Variants in TUT4 observed in about 807,000 individuals in gnomAD.
TUT4 encodes terminal uridylyl transferase 4.
A neutral mutation model predicts 192.2 loss-of-function variants in TUT4; 36 were observed. The observed-to-expected ratio is 0.19, with a 90% confidence interval of 0.14 to 0.25. The LOEUF is 0.25. TUT4 is among the 10% of genes least tolerant of loss of function. The pLI is 1.00. For synonymous variants in TUT4, 618 were observed against 666.0 expected (o/e 0.93, Z 1.11); for missense variants, 1,493 against 1,957.2 (o/e 0.76, Z 4.47).
chr1:52,429,552 G>C lies in TUT4; in HGVS notation c.4711+1461C>G, dbSNP rs1446011776. ...AACCTGGACAACACTTTGAGACTTT[G>C]TCTAAATATATATATATATATACTT... On this transcript the variant is annotated intron_variant, in intron 28 of 29. Coordinates refer to ENST00000257177, the MANE Select transcript of TUT4 (RefSeq NM_001009881.3). Among the ~76,000 whole-genome samples the C allele has an allele frequency of 3.9e-5, 5 of 128,248 alleles. No homozygotes were observed. In the East Asian group the frequency reaches 1.0e-3, roughly 27 times the overall value. The allele number at this position is 128,248 out of a possible 152,430, so 84.1% of individuals were successfully genotyped here.
chr1:52,448,686 T>C (rs778678930), intron 20 of TUT4, among the ~76,000 whole-genome samples: 1 of 151,794 alleles, frequency 6.6e-6, no homozygotes, highest in Admixed American at 6.6e-5. Flanking sequence ...AGTGAAGATA[T>C]TAAGGGGCTG....
At chr1:52,510,902 T>G (rs1406261787) in intron 3 of TUT4, among the ~76,000 whole-genome samples, 2 of 152,178 alleles carry the variant, frequency 1.3e-5, no homozygotes, top group African/African-American at 4.8e-5. Flanking sequence ...GATTACACAA[T>G]AAAAAATTAC....
At chr1:52,524,320 G>A (rs1681109852) in intron 2 of TUT4, among the ~76,000 whole-genome samples, 1 of 152,164 alleles carries the variant, frequency 6.6e-6, no homozygotes, top group African/African-American at 2.4e-5. Context: ...CGGATCACGA[G>A]GTCAGGAGAT....
chr1:52,542,112 G>T (rs548289343), intron 1 of TUT4, among the ~76,000 whole-genome samples: 1 of 152,266 alleles, frequency 6.6e-6, no homozygotes, highest in South Asian at 2.1e-4. Flanking sequence ...TATTATATGA[G>T]TCTACTGATA....
chr1:52,463,630 A>G, intron 16 of TUT4: 1 of 1,301,168 alleles, frequency 7.7e-7, no homozygotes, highest in Admixed American at 2.3e-5. Context: ...AACATAAATA[A>G]CAATAGCTAG....
At chr1:52,518,594 T>C (rs1315119536) in intron 2 of TUT4, among the ~76,000 whole-genome samples, 2 of 152,086 alleles carry the variant, frequency 1.3e-5, no homozygotes, top group Admixed American at 1.3e-4. Context: ...ACATATGAAT[T>C]TGGGAGGGGA....
At chr1:52,429,961 T>C (rs1036441445) in intron 28 of TUT4, among the ~76,000 whole-genome samples, 5 of 152,146 alleles carry the variant, frequency 3.3e-5, no homozygotes, top group African/African-American at 1.2e-4. Context: ...TGTGTGTCTA[T>C]GTATTTTAAA....
chr1:52,435,986 C>A (rs1557644273), intron 26 of TUT4, among the ~76,000 whole-genome samples: 1 of 152,094 alleles, frequency 6.6e-6, no homozygotes, highest in South Asian at 2.1e-4. Flanking sequence ...GAAATCACTA[C>A]TTCTAAAATG....
chr1:52,534,085 T>A (rs1187128206), intron 1 of TUT4, among the ~76,000 whole-genome samples: 2 of 152,264 alleles, frequency 1.3e-5, no homozygotes, highest in Admixed American at 6.5e-5. Flanking sequence ...TCCACTCCCC[T>A]CATTCATTCC....
intron 16 of TUT4, chr1:52,463,425 G>T (rs1663167356): frequency 2.9e-6 from 3 of 1,019,970 alleles, no homozygotes; most frequent in Non-Finnish European, 3.5e-6. Context: ...AACTTCTTAT[G>T]GCCAGAAGTT....
chr1:52,472,100 T>C lies in TUT4; in HGVS notation c.2730A>G (p.Pro910=), dbSNP rs182909160. ...TGCAGATGCTGCATACTATCGTTGG[T>C]GGCTACACAAAGATAAAAAGAAATC... is the stretch of plus-strand genomic sequence containing the variant. ...FDKFILTSGK[P]PTIVCSICKK... Residue 910 remains proline, a splice_region_variant and synonymous_variant, in exon 14 of 30, where the codon CCA becomes CCG. Coordinates refer to ENST00000257177, the MANE Select transcript of TUT4 (RefSeq NM_001009881.3). The C allele has an allele frequency of 3.9e-5, 63 of 1,612,836 alleles. No individual in the cohort carries two copies. The African/African-American group carries it at 7.1e-4, about 18-fold the overall frequency.
rs1475064621 is a variant in TUT4, at chr1:52,509,665, T to G, written c.930A>C (p.Leu310Phe). 1 of 1,612,626 alleles carries G rather than the reference T, an allele frequency of 6.2e-7. No homozygotes were observed. The highest frequency in any genetic ancestry group is 2.2e-5 in the East Asian group (1 of 44,732). ...TNCRYLCKLC[L>F]IHIENIQGAH... Reference sequence around the variant, plus strand: ...CCCCCTGGATATTTTCAATGTGAATTAAGCAAAGTTTGCATAGATACCGAC... The same window carrying G: ...CCCCCTGGATATTTTCAATGTGAATGAAGCAAAGTTTGCATAGATACCGAC... Residue 310 changes from leucine (L) to phenylalanine (F), a missense_variant, in exon 4 of 30, where the codon TTA (leucine) becomes TTC (phenylalanine). Physicochemically the swap from Leu to Phe is conservative, Grantham distance 22. Around this residue, in one of 7 missense-constraint regions of TUT4, gnomAD observed 437 missense variants for 577.6 expected, o/e 0.76. Transcript: ENST00000257177.
chr1:52,474,464 A>G (rs938170198), intron 13 of TUT4, among the ~76,000 whole-genome samples: 3 of 152,024 alleles, frequency 2.0e-5, no homozygotes, highest in Non-Finnish European at 4.4e-5. Flanking sequence ...TTGGGGGGGG[A>G]AGAAAAATTT....
rs1338568940 is a variant in TUT4 at position 52,425,330 on chromosome 1, A to C, written c.4870+19T>G. 1 of 1,609,146 alleles carries C rather than the reference A, an allele frequency of 6.2e-7. No homozygotes were observed. ...TAAAACCCACCCAAGCCTGTTAACT[A>C]ATTTGTAAGCAGTGGTACCTTGAGT... On this transcript the variant is annotated intron_variant, in intron 29 of 29. Coordinates refer to ENST00000257177, the MANE Select transcript of TUT4 (RefSeq NM_001009881.3).
At position 52,516,052 on chromosome 1, in the gene TUT4, T is replaced by G. The variant is rs1393832089; in HGVS notation, c.721A>C (p.Lys241Gln). The G allele has an allele frequency of 6.2e-7, 1 of 1,612,060 alleles. No individual in the cohort carries two copies. Among genetic ancestry groups the G allele is most frequent in the Non-Finnish European group, 8.5e-7 (1 of 1,179,008 alleles). ...TTATTAGATTCATCATTCTTCATTTTACCTAGAAAAGAAAGCAATCACTCA... is the reference window on the plus strand; with the variant it reads ...TTATTAGATTCATCATTCTTCATTTGACCTAGAAAAGAAAGCAATCACTCA... Reference protein sequence around the residue: ...GIEDVSDDLSKMKNDESNKEN... With the variant: ...GIEDVSDDLSQMKNDESNKEN... The change falls in exon 3 of 30, where the codon AAA (lysine) becomes CAA (glutamine). Residue 241 changes from lysine to glutamine, a missense_variant and splice_region_variant. Physicochemically the swap from Lys to Gln is moderately conservative, Grantham distance 53. This residue lies in a region of TUT4 where 437 missense variants were observed against 577.6 expected (regional missense o/e 0.76). Coordinates refer to ENST00000257177, the MANE Select transcript of TUT4 (RefSeq NM_001009881.3).
chr1:52,441,439 G>A (rs1165907307), intron 24 of TUT4, among the ~76,000 whole-genome samples: 1 of 145,300 alleles, frequency 6.9e-6, no homozygotes, highest in Non-Finnish European at 1.5e-5. Flanking sequence ...ACCACTCTCG[G>A]CTAAATTTTT....
chr1:52,454,851 GA>G (rs1327747593), intron 20 of TUT4, among the ~76,000 whole-genome samples: 1 of 152,038 alleles, frequency 6.6e-6, no homozygotes, highest in East Asian at 1.9e-4. Context: ...AATACACAAA[GA>G]ACTCCTTAAA....
intron 16 of TUT4, 170 bp from the exon 17 acceptor site, chr1:52,461,939 A>C: frequency 2.2e-6 from 1 of 454,190 alleles, no homozygotes; most frequent in Admixed American, 4.0e-5. Flanking sequence ...CATAATCTGG[A>C]AACTTGATAG....
chr1:52,542,363 A>G (rs1686916063), intron 1 of TUT4, among the ~76,000 whole-genome samples: 2 of 152,212 alleles, frequency 1.3e-5, no homozygotes, highest in South Asian at 4.1e-4. Flanking sequence ...AAATAGTATA[A>G]ACATTCATGC....
Sources: gnomAD v4.1 joint callset for allele counts (sites outside exome capture counted in the v4.1 genomes callset) on GRCh38, gnomAD v4.1.1 for gene constraint, gnomAD v4.1.1 regional missense constraint, MANE v1.5 for transcripts, NCBI Gene and HGNC (gene_info 2026-07-23, HGNC 2026-07-21) for gene names.